DLG2: variants seen among roughly 807,000 people sequenced by gnomAD.
The protein encoded by DLG2 is disks large homolog 2.
Under a neutral mutation model 132.5 loss-of-function variants are expected in DLG2, and 45 were observed. The observed-to-expected ratio is 0.34, with a 90% confidence interval of 0.27 to 0.44. The LOEUF (loss-of-function observed/expected upper bound fraction) is 0.44. DLG2 is among the 20% of genes least tolerant of loss of function. The probability of loss-of-function intolerance (pLI) is 1.00; values close to 1 mark genes in which losing one functional copy is unlikely to be tolerated. For synonymous variants in DLG2, 424 were observed against 419.6 expected (o/e 1.01, Z -0.13); for missense variants, 1,045 against 1,196.9 (o/e 0.87, Z 1.87).
At position 83,459,944 on chromosome 11, in the gene DLG2, A is replaced by G; in HGVS notation, c.2822-20T>C. 1 of 1,335,620 alleles carries G rather than the reference A, an allele frequency of 7.5e-7. No individual in the cohort carries two copies. The highest frequency in any genetic ancestry group is 1.1e-6 in the Non-Finnish European group (1 of 933,726). 82.7% of individuals were successfully genotyped at this position (1,335,620 alleles called of 1,614,324 possible). A position where few individuals can be genotyped will look rare whatever the true frequency, so the allele number is the denominator to read the frequency against. Reference sequence around the variant, plus strand: ...CAATAGCTGTAACAAAAGCAAACACACCCAGAATTAGAAATAATTTCCTGG... The same window carrying G: ...CAATAGCTGTAACAAAAGCAAACACGCCCAGAATTAGAAATAATTTCCTGG... On this transcript the variant is annotated intron_variant, in intron 27 of 27. Transcript: ENST00000376104.
intron 7 of DLG2, among the ~76,000 whole-genome samples, chr11:84,464,790 A>C (rs980094944): frequency 3.3e-5 from 5 of 151,336 alleles, no homozygotes; most frequent in Non-Finnish European, 7.4e-5. Flanking sequence ...AAAAATGTAC[A>C]CATGTATATA....
intron 9 of DLG2, among the ~76,000 whole-genome samples, chr11:84,141,050 C>G (rs541646416): frequency 6.6e-6 from 1 of 152,152 alleles, no homozygotes. Flanking sequence ...TATAAAAGAG[C>G]CATTGTAGAG....
chr11:85,132,664 T>C (rs1307270567), intron 5 of DLG2: 1 of 451,958 alleles, frequency 2.2e-6, no homozygotes, highest in Non-Finnish European at 4.5e-6. Flanking sequence ...TACTAATCAT[T>C]TTCTCTCATG....
intron 16 of DLG2, among the ~76,000 whole-genome samples, chr11:83,864,851 T>C (rs555464494): frequency 1.3e-5 from 2 of 152,172 alleles, no homozygotes; most frequent in Non-Finnish European, 2.9e-5. Context: ...TATATAAAGA[T>C]AGATGTCTCA....
intron 4 of DLG2, among the ~76,000 whole-genome samples, chr11:85,248,705 T>C (rs554073186): frequency 3.3e-5 from 5 of 152,090 alleles, no homozygotes; most frequent in African/African-American, 1.2e-4. Context: ...TAAGGTCAAA[T>C]AGGGAAAGAA....
In DLG2 at chr11:85,598,670, G is replaced by A; in HGVS notation, c.27C>T (p.Phe9=). ...CATAATACATACCTAGCAAAGCTTG[G>A]AATAAGCTGCTCTTAAAGATACCCA... is the stretch of plus-strand genomic sequence containing the variant. MGIFKSSL[F]QALLDIQEFY... The change falls in exon 3 of 28, where the codon TTC becomes TTT. Residue 9 remains phenylalanine (F), a synonymous_variant. Coordinates refer to ENST00000376104, the MANE Select transcript of DLG2 (RefSeq NM_001142699.3). 2 of 1,575,544 alleles carry A rather than the reference G, an allele frequency of 1.3e-6. No individual in the cohort carries two copies. Among genetic ancestry groups the A allele is most frequent in the Non-Finnish European group, 1.7e-6 (2 of 1,163,042 alleles).
intron 6 of DLG2, among the ~76,000 whole-genome samples, chr11:84,866,715 A>T (rs972838928): frequency 2.0e-5 from 3 of 152,238 alleles, no homozygotes; most frequent in Non-Finnish European, 4.4e-5. Flanking sequence ...GACACAACTT[A>T]TCTCATATTG....
intron 3 of DLG2, among the ~76,000 whole-genome samples, chr11:85,414,671 T>C (rs549042031): frequency 6.6e-6 from 1 of 152,112 alleles, no homozygotes; most frequent in African/African-American, 2.4e-5. Context: ...CTCTTGATGA[T>C]CACTCTATTG....
At chr11:84,363,168 C>T (rs2098660624) in intron 7 of DLG2, among the ~76,000 whole-genome samples, 1 of 151,716 alleles carries the variant, frequency 6.6e-6, no homozygotes, top group Non-Finnish European at 1.5e-5. Context: ...CTCTCCAGCA[C>T]CTGTTGTTTC....
intron 18 of DLG2, among the ~76,000 whole-genome samples, chr11:83,766,923 A>G (rs66685127): frequency 1.4e-4 from 22 of 152,196 alleles, no homozygotes; most frequent in African/African-American, 5.3e-4. Flanking sequence ...CCAGGGAAGA[A>G]ACTGTCTTCA....
chr11:84,794,611 C>T (rs1199671475), intron 6 of DLG2, among the ~76,000 whole-genome samples: 2 of 152,238 alleles, frequency 1.3e-5, no homozygotes, highest in African/African-American at 4.8e-5. Flanking sequence ...CCAGGTATCT[C>T]TGCACTGTTG....
chr11:84,522,470 G>C (rs2099306650), intron 7 of DLG2, among the ~76,000 whole-genome samples: 1 of 152,118 alleles, frequency 6.6e-6, no homozygotes, highest in African/African-American at 2.4e-5. Flanking sequence ...ACTTACCTGT[G>C]ACCCAAAATT....
intron 3 of DLG2, among the ~76,000 whole-genome samples, chr11:85,457,791 G>A (rs2092469479): frequency 6.6e-6 from 1 of 152,286 alleles, no homozygotes; most frequent in African/African-American, 2.4e-5. Flanking sequence ...TAGGGTTTCT[G>A]CTGAAAGGTC....
chr11:85,589,616 A>C (rs2079184066), intron 3 of DLG2, among the ~76,000 whole-genome samples: 1 of 152,044 alleles, frequency 6.6e-6, no homozygotes, highest in African/African-American at 2.4e-5. Flanking sequence ...TGTTGCCAGG[A>C]AAGTGAGGGA....
chr11:84,668,341 T>G (rs1302997633), intron 6 of DLG2, among the ~76,000 whole-genome samples: 1 of 152,210 alleles, frequency 6.6e-6, no homozygotes, highest in Non-Finnish European at 1.5e-5. Flanking sequence ...CTTTTGTTTC[T>G]TCTTTAAGCA....
At chr11:84,404,453 G>C (rs1005338091) in intron 7 of DLG2, among the ~76,000 whole-genome samples, 3 of 152,034 alleles carry the variant, frequency 2.0e-5, no homozygotes, top group Non-Finnish European at 4.4e-5. Flanking sequence ...ACGTGCCACA[G>C]TCATATGTTT....
chr11:85,608,374 T>A (rs1054964619), intron 2 of DLG2, among the ~76,000 whole-genome samples: 3 of 152,104 alleles, frequency 2.0e-5, no homozygotes, highest in Non-Finnish European at 4.4e-5. Flanking sequence ...TGGGGAAAAA[T>A]GGCCACCTGA....
At chr11:83,578,478 G>A (rs1378506145) in intron 19 of DLG2, among the ~76,000 whole-genome samples, 5 of 151,770 alleles carry the variant, frequency 3.3e-5, no homozygotes, top group Non-Finnish European at 5.9e-5. Context: ...TTGTTAGACC[G>A]GATAAAAAAG....
chr11:84,993,894 G>A (rs553377398), intron 6 of DLG2, among the ~76,000 whole-genome samples: 1 of 152,088 alleles, frequency 6.6e-6, no homozygotes, highest in Non-Finnish European at 1.5e-5. Flanking sequence ...TCAGGGGTCT[G>A]CAGGAACAGA....
Sources: allele counts gnomAD v4.1 joint callset (sites outside exome capture counted in the v4.1 genomes callset), GRCh38; gene constraint gnomAD v4.1.1; transcripts MANE v1.5; gene names NCBI Gene and HGNC (gene_info 2026-07-23, HGNC 2026-07-21).